GAB1: variants seen among roughly 807,000 people sequenced by gnomAD.
GAB1 encodes GRB2-associated-binding protein 1.
Under a neutral mutation model 66.5 loss-of-function variants are expected in GAB1, and 19 were observed. The observed-to-expected ratio is 0.29, with a 90% confidence interval of 0.20 to 0.42. GAB1 has a LOEUF of 0.42. Among genes scored for constraint, GAB1 ranks in the 10% least tolerant of loss-of-function variants. The pLI, the probability that GAB1 is intolerant of heterozygous loss-of-function variation, is 1.00. For synonymous variants in GAB1, 294 were observed against 301.4 expected, an observed-to-expected ratio of 0.98 and a Z score of 0.25; for missense variants, 732 against 858.5, an observed-to-expected ratio of 0.85 and a Z score of 1.84.
chr4:143,458,385 T>C (rs1283073340), intron 6 of GAB1, among the ~76,000 whole-genome samples: 2 of 152,118 alleles, frequency 1.3e-5, no homozygotes, highest in African/African-American at 4.8e-5. Flanking sequence ...AAAATGACCA[T>C]TCATTTTATA....
chr4:143,446,649 C>T (rs1312011092), intron 6 of GAB1, among the ~76,000 whole-genome samples: 50 of 151,020 alleles, frequency 3.3e-4, no homozygotes, highest in Admixed American at 4.6e-4. Flanking sequence ...TTGTTTGCTT[C>T]TTTCTTGTAA....
chr4:143,442,456 G>T (rs555744530), intron 6 of GAB1, among the ~76,000 whole-genome samples: 1 of 152,260 alleles, frequency 6.6e-6, no homozygotes, highest in East Asian at 1.9e-4. Flanking sequence ...TTCAACAGTT[G>T]TGATTCCATG....
At chr4:143,345,104 TATAAAG>T (rs1728947507) in intron 1 of GAB1, among the ~76,000 whole-genome samples, 1 of 152,266 alleles carries the variant, frequency 6.6e-6, no homozygotes, top group Non-Finnish European at 1.5e-5. Context: ...GGATATAAGT[TATAAAG>T]GAATAGAGCT....
chr4:143,350,703 G>C (rs1239857126), intron 1 of GAB1, among the ~76,000 whole-genome samples: 2 of 144,288 alleles, frequency 1.4e-5, no homozygotes, highest in Admixed American at 1.4e-4. Context: ...AAAAAAGAAA[G>C]ACTTTGTATT....
At chr4:143,457,869 C>G (rs1254408684) in intron 6 of GAB1, 4 of 641,624 alleles carry the variant, frequency 6.2e-6, no homozygotes, top group Non-Finnish European at 2.6e-6. Context: ...TTAAATACTA[C>G]TGCTGTTGTA....
At chr4:143,448,865 C>G (rs1341493308) in intron 6 of GAB1, among the ~76,000 whole-genome samples, 13 of 150,568 alleles carry the variant, frequency 8.6e-5, no homozygotes, top group African/African-American at 3.2e-4. Context: ...TTTTCTAGTT[C>G]TTTTAATTGT....
intron 1 of GAB1, among the ~76,000 whole-genome samples, chr4:143,412,697 C>T (rs183713887): frequency 3.3e-5 from 5 of 152,112 alleles, no homozygotes; most frequent in African/African-American, 9.6e-5. Context: ...GGAAGAGAAG[C>T]CCTGAAGGTT....
chr4:143,337,338 C>T (rs1201613259), intron 1 of GAB1, 78 bp downstream of exon 1: 7 of 1,248,566 alleles, frequency 5.6e-6, no homozygotes, highest in Admixed American at 2.0e-5. Flanking sequence ...GCGGCTGCAG[C>T]TGGCCGCGCG....
At chr4:143,453,621 G>A (rs893362518) in intron 6 of GAB1, among the ~76,000 whole-genome samples, 2 of 152,124 alleles carry the variant, frequency 1.3e-5, no homozygotes, top group African/African-American at 4.8e-5. Flanking sequence ...TCTGATGTTG[G>A]AAGCACTTAA....
At chr4:143,358,151 T>G (rs1443539644) in intron 1 of GAB1, among the ~76,000 whole-genome samples, 1 of 152,158 alleles carries the variant, frequency 6.6e-6, no homozygotes, top group Non-Finnish European at 1.5e-5. Context: ...TGCCTTAAAG[T>G]TTTTAGATTG....
intron 6 of GAB1, chr4:143,457,805 T>G: frequency 9.6e-7 from 1 of 1,045,012 alleles, no homozygotes; most frequent in South Asian, 1.5e-5. Context: ...TATGGGGCAT[T>G]GGGAATTTAT....
Position 143,425,468 on chromosome 4 carries a change from C to G in GAB1, c.368-8023C>G. Reference sequence around the variant, plus strand: ...CATAGAGAGAGGCATCTTATGTTAACCTACCTACCATTGCTCTGTGTAACA... The same window carrying G: ...CATAGAGAGAGGCATCTTATGTTAAGCTACCTACCATTGCTCTGTGTAACA... On this transcript the variant is annotated intron_variant, in intron 2 of 9. Transcript: ENST00000262994. 6.6e-6 allele frequency: 5 copies of G among 760,656 alleles called. 1 individual carries two copies. The South Asian group carries it at 6.7e-5, about 10-fold the overall frequency. 47.1% of individuals were successfully genotyped at this position (760,656 alleles called of 1,614,324 possible).
At chr4:143,385,749 A>G (rs1230349778) in intron 1 of GAB1, among the ~76,000 whole-genome samples, 2 of 152,230 alleles carry the variant, frequency 1.3e-5, no homozygotes, top group Admixed American at 6.5e-5. Flanking sequence ...ACACCCTGCT[A>G]GAGCTTCTGT....
chr4:143,451,487 G>A (rs992468519), intron 6 of GAB1, among the ~76,000 whole-genome samples: 1 of 152,022 alleles, frequency 6.6e-6, no homozygotes, highest in Non-Finnish European at 1.5e-5. Flanking sequence ...TAAACTTTAA[G>A]ATTTATATAT....
chr4:143,430,757 T>G (rs1027923544), intron 2 of GAB1, among the ~76,000 whole-genome samples: 1 of 152,224 alleles, frequency 6.6e-6, no homozygotes, highest in African/African-American at 2.4e-5. Flanking sequence ...TTTATTTCAG[T>G]GCTCAATTTA....
intron 3 of GAB1, among the ~76,000 whole-genome samples, chr4:143,434,832 T>G (rs1315601325): frequency 6.6e-6 from 1 of 152,132 alleles, no homozygotes; most frequent in Non-Finnish European, 1.5e-5. Flanking sequence ...TACTTGATGT[T>G]GAATAGTTAG....
intron 1 of GAB1, among the ~76,000 whole-genome samples, chr4:143,356,816 G>C (rs2149653301): frequency 6.6e-6 from 1 of 152,288 alleles, no homozygotes; most frequent in East Asian, 1.9e-4. Flanking sequence ...TTTCTGCGAG[G>C]AGTGCAGAGA....
At chr4:143,375,998 A>G (rs748810460) in intron 1 of GAB1, among the ~76,000 whole-genome samples, 4 of 152,180 alleles carry the variant, frequency 2.6e-5, no homozygotes, top group Non-Finnish European at 5.9e-5. Flanking sequence ...ACAAATGCCC[A>G]CCAGAGAAAC....
chr4:143,415,850 A>G (rs1450388866), intron 2 of GAB1, 79 bp downstream of exon 2: 2 of 1,113,520 alleles, frequency 1.8e-6, no homozygotes, highest in Middle Eastern at 2.1e-4. Context: ...ATTCTTTGTT[A>G]TTTTAGTTAC....
Sources: gnomAD v4.1 joint callset for allele counts (sites outside exome capture counted in the v4.1 genomes callset) on GRCh38, gnomAD v4.1.1 for gene constraint, MANE v1.5 for transcripts, NCBI Gene and HGNC (gene_info 2026-07-23, HGNC 2026-07-21) for gene names.